Variants in DCAF8L2 observed in about 807,000 individuals in gnomAD.
The protein encoded by DCAF8L2 is DDB1- and CUL4-associated factor 8-like protein 2.
For missense variants in DCAF8L2, 430 were observed against 490.7 expected (o/e 0.88, Z 1.17); for synonymous variants, 200 against 190.9 (o/e 1.05, Z -0.39).
At chrX:27,514,206 GTATGTGTGCTATGTACCTA>G in the DCAF8L2 span, among the ~76,000 whole-genome samples, 1 of 74,217 alleles carries the variant, frequency 1.3e-5, no homozygotes, top group Non-Finnish European at 2.5e-5. Flanking sequence ...ATATGTACAT[GTATGTGTGCTATGTACCTA>G]TATGTGTGCA....
chrX:27,487,082 G>A, the DCAF8L2 span, among the ~76,000 whole-genome samples: 1 of 111,167 alleles, frequency 9.0e-6, no homozygotes. Context: ...GCGACTCTTC[G>A]AATCCATGAA....
At chrX:27,555,700 C>A in the DCAF8L2 span, among the ~76,000 whole-genome samples, 1 of 111,805 alleles carries the variant, frequency 8.9e-6, no homozygotes, top group African/African-American at 3.3e-5. Context: ...CACTAGAGGT[C>A]GCTGTAGTGA....
chrX:27,566,239 G>T, the DCAF8L2 span, among the ~76,000 whole-genome samples: 1 of 110,141 alleles, frequency 9.1e-6, no homozygotes, highest in Non-Finnish European at 1.9e-5. Context: ...AATGTTTTAT[G>T]TTGGACCTTG....
intron 3 of DCAF8L2, among the ~76,000 whole-genome samples, chrX:27,680,749 T>A (rs1930296431): frequency 9.3e-6 from 1 of 107,596 alleles, no homozygotes; most frequent in African/African-American, 3.6e-5. Context: ...TTTCAATTGT[T>A]AAGTGAAAAG....
chrX:27,591,978 C>G (rs1327509161), intron 1 of DCAF8L2, among the ~76,000 whole-genome samples: 2 of 112,797 alleles, frequency 1.8e-5, no homozygotes, highest in African/African-American at 6.4e-5. Flanking sequence ...ATCCTGCCAT[C>G]GCTGCTTTTG....
the DCAF8L2 span, among the ~76,000 whole-genome samples, chrX:27,568,648 C>T: frequency 9.4e-6 from 1 of 106,732 alleles, no homozygotes; most frequent in African/African-American, 3.4e-5. Context: ...CTAGTTGGCA[C>T]TCCATTTCTG....
At chrX:27,652,872 T>G (rs1929204332) in intron 2 of DCAF8L2, among the ~76,000 whole-genome samples, 1 of 112,023 alleles carries the variant, frequency 8.9e-6, no homozygotes, top group African/African-American at 3.2e-5. Flanking sequence ...ACTGAATTAT[T>G]TTTTAGGCAA....
At chrX:27,517,835 T>A in the DCAF8L2 span, 1 of 1,073,941 alleles carries the variant, frequency 9.3e-7, no homozygotes. Context: ...AGTCTTGTAC[T>A]TATCACGGCC....
At chrX:27,648,945 A>T (rs1929048456) in intron 2 of DCAF8L2, among the ~76,000 whole-genome samples, 1 of 111,929 alleles carries the variant, frequency 8.9e-6, no homozygotes, top group Admixed American at 9.5e-5. Flanking sequence ...TATTGGAACC[A>T]AGTTTCTTGA....
intron 3 of DCAF8L2, among the ~76,000 whole-genome samples, chrX:27,696,332 A>AAGAAAGAG (rs1236353497): frequency 2.5e-4 from 8 of 31,688 alleles, no homozygotes; most frequent in East Asian, 1.5e-3. Flanking sequence ...GAAAGAAAGA[A>AAGAAAGAG]AAAGAAAGAA....
At chrX:27,554,037 C>T in the DCAF8L2 span, among the ~76,000 whole-genome samples, 21 of 111,751 alleles carry the variant, frequency 1.9e-4, no homozygotes, top group Admixed American at 9.5e-5. Context: ...GCCATTGTTA[C>T]ACTAGAGGAA....
intron 1 of DCAF8L2, among the ~76,000 whole-genome samples, chrX:27,596,024 C>T (rs1272904556): frequency 9.0e-6 from 1 of 111,570 alleles, no homozygotes; most frequent in Admixed American, 9.6e-5. Context: ...GAGACTCCAT[C>T]TCCAAAAAAA....
the DCAF8L2 span, chrX:27,517,831 G>A: frequency 2.8e-6 from 3 of 1,079,801 alleles, no homozygotes; most frequent in Non-Finnish European, 3.9e-6. Flanking sequence ...GCAGAGTCTT[G>A]TACTTATCAC....
chrX:27,700,881 T>A (rs1364570495), intron 3 of DCAF8L2, among the ~76,000 whole-genome samples: 1 of 111,335 alleles, frequency 9.0e-6, no homozygotes, highest in Admixed American at 9.5e-5. Context: ...TAAATAAAAA[T>A]CACATCACTC....
At chrX:27,592,884 C>T (rs745957934) in intron 1 of DCAF8L2, among the ~76,000 whole-genome samples, 2 of 109,521 alleles carry the variant, frequency 1.8e-5, no homozygotes, top group East Asian at 2.9e-4. Context: ...CTGCAACCTC[C>T]ACTTCCCAGG....
chrX:27,684,746 C>T, intron 3 of DCAF8L2, among the ~76,000 whole-genome samples: 1 of 111,308 alleles, frequency 9.0e-6, no homozygotes, highest in Middle Eastern at 4.6e-3. Context: ...TAAATATATA[C>T]AATTGTATAG....
the DCAF8L2 span, among the ~76,000 whole-genome samples, chrX:27,539,353 T>C: frequency 9.0e-6 from 1 of 111,475 alleles, no homozygotes; most frequent in Non-Finnish European, 1.9e-5. Flanking sequence ...TTGAAAACAT[T>C]GATTGACCTA....
At chrX:27,622,871 C>T (rs979091328) in intron 1 of DCAF8L2, among the ~76,000 whole-genome samples, 2 of 111,006 alleles carry the variant, frequency 1.8e-5, no homozygotes, top group African/African-American at 6.5e-5. Flanking sequence ...AGCAGAAGTT[C>T]ACTGTATGAG....
chrX:27,737,659 C>T lies in DCAF8L2; in HGVS notation c.-58-9179C>T, dbSNP rs753354627. On this transcript the variant is annotated intron_variant, in intron 4 of 4. Coordinates refer to ENST00000451261, the MANE Select transcript of DCAF8L2 (RefSeq NM_001353450.2). ...CTCTGTTAATAATTCAATTAGCATA[C>T]ATTTGGCTATTTTAATTGTTTTTAA... Among the ~76,000 whole-genome samples the T allele has an allele frequency of 1.1e-4, 12 of 110,757 alleles. No homozygotes were observed. In the East Asian group the frequency reaches 1.7e-3, roughly 16 times the overall value.
Sources: gnomAD v4.1 joint callset for allele counts (sites outside exome capture counted in the v4.1 genomes callset) on GRCh38, gnomAD v4.1.1 for gene constraint, MANE v1.5 for transcripts, NCBI Gene and HGNC (gene_info 2026-07-23, HGNC 2026-07-21) for gene names.